The following CFHR1 variants were observed in gnomAD, a reference collection of about 807,000 sequenced individuals.
CFHR1 encodes the protein complement factor H-related protein 1.
CFHR1 carries 22 observed loss-of-function variants against 30.4 expected under a neutral mutation model. The observed-to-expected ratio is 0.72, with a 90% confidence interval of 0.52 to 1.03. The LOEUF (loss-of-function observed/expected upper bound fraction) is 1.03. CFHR1 is among the 50% of genes least tolerant of loss of function. The pLI, the probability that CFHR1 is intolerant of heterozygous loss-of-function variation, is 0.00. For synonymous variants in CFHR1, 95 were observed against 129.1 expected (o/e 0.74, Z 1.79); for missense variants, 248 against 380.6 (o/e 0.65, Z 2.90).
Position 196,823,099 on chromosome 1 carries a change from ATATGTGTG to A in CFHR1, c.59-2376_59-2369del, listed in dbSNP as rs1336488540. Reference sequence around the variant, plus strand: ...TGTACGACTGTATATATATATATATATATGTGTGTGTGTGTGTGTGTGTGTGTGTGTGT... The same window carrying A: ...TGTACGACTGTATATATATATATATATGTGTGTGTGTGTGTGTGTGTGTGT... On this transcript the variant is annotated intron_variant, in intron 1 of 5. Coordinates refer to ENST00000320493, the MANE Select transcript of CFHR1 (RefSeq NM_002113.3). Among the ~76,000 whole-genome samples, 3 of 45,720 alleles carry A rather than the reference ATATGTGTG, an allele frequency of 6.6e-5. 1 individual carries two copies. The highest frequency in any genetic ancestry group is 3.9e-4 in the African/African-American group (3 of 7,630). 30.0% of individuals were successfully genotyped at this position (45,720 alleles called of 152,430 possible).
rs756078692 is a variant in CFHR1, at chr1:196,831,800, C to A, written c.794C>A (p.Pro265Gln). 4 of 1,521,858 alleles carry A rather than the reference C, an allele frequency of 2.6e-6. No homozygotes were observed. The highest frequency in any genetic ancestry group is 3.6e-6 in the Non-Finnish European group (4 of 1,126,606). 94.3% of individuals were successfully genotyped at this position (1,521,858 alleles called of 1,614,324 possible). ...QWSEPPKCLH[P>Q]CVISREIMEN... The stretch of plus-strand genomic sequence containing the variant: ...GTTTACTGTTTTTTATTTTCAGATC[C>A]GTGTGTAATATCCCGAGAAATTATG... Residue 265 changes from proline to glutamine, a missense_variant, in exon 6 of 6, where the codon CCG (proline) becomes CAG (glutamine). Around this residue, in one of 3 missense-constraint regions of CFHR1, gnomAD observed 112 missense variants for 156.4 expected, o/e 0.72. Coordinates refer to ENST00000320493, the MANE Select transcript of CFHR1 (RefSeq NM_002113.3).
At position 196,831,709 on chromosome 1, in the gene CFHR1, A is replaced by G. The variant is rs1353477456; in HGVS notation, c.791-88A>G. On this transcript the variant is annotated intron_variant, in intron 5 of 5. Coordinates refer to ENST00000320493, the MANE Select transcript of CFHR1 (RefSeq NM_002113.3). ...TGTTTTGAGAAATAATTCCTGAACC[A>G]TCATATAACATTCTACTTGAAAACC... 3 of 1,360,908 alleles carry G rather than the reference A, an allele frequency of 2.2e-6. 1 individual carries two copies. The highest frequency in any genetic ancestry group is 3.0e-6 in the Non-Finnish European group (3 of 991,856). 84.3% of individuals were successfully genotyped at this position (1,360,908 alleles called of 1,614,324 possible).
rs1276284491 is a variant in CFHR1 at position 196,825,581 on chromosome 1, T to C, written c.163T>C (p.Cys55Arg). ...TACAGGGGAAGTTTTCTATTACTCCTGTGAATATAATTTTGTGTCTCCTTC... is the reference window on the plus strand; with the variant it reads ...TACAGGGGAAGTTTTCTATTACTCCCGTGAATATAATTTTGTGTCTCCTTC... Reference protein sequence around the residue: ...VPTGEVFYYSCEYNFVSPSKS... With the variant: ...VPTGEVFYYSREYNFVSPSKS... Residue 55 changes from cysteine to arginine, a missense_variant, in exon 2 of 6, where the codon TGT becomes CGT. Cys to Arg is a radical substitution (Grantham distance 180, BLOSUM62 -3). This residue lies in a region of CFHR1 where 121 missense variants were observed against 162.6 expected (regional missense o/e 0.74). Coordinates refer to ENST00000320493, the MANE Select transcript of CFHR1 (RefSeq NM_002113.3). 1 of 1,524,564 alleles carries C rather than the reference T, an allele frequency of 6.6e-7. No individual in the cohort carries two copies. Among genetic ancestry groups the C allele is most frequent in the Admixed American group, 1.7e-5 (1 of 57,934 alleles). The allele number at this position is 1,524,564 out of a possible 1,614,324, so 94.4% of individuals were successfully genotyped here.
chr1:196,825,394 T>A (rs1655283077), intron 1 of CFHR1, 83 bp from the exon 2 acceptor site: 1 of 1,053,548 alleles, frequency 9.5e-7, no homozygotes, highest in Non-Finnish European at 1.3e-6. Flanking sequence ...AAAAACACTA[T>A]AAGTGAGATG....
At position 196,823,908 on chromosome 1, in the gene CFHR1, AG is replaced by A. The variant is rs1341698955; in HGVS notation, c.59-1567del. 1.5e-5 allele frequency among the ~76,000 whole-genome samples: 2 copies of A among 134,616 alleles called. 1 individual carries two copies. Among genetic ancestry groups the A allele is most frequent in the Non-Finnish European group, 3.1e-5 (2 of 64,230 alleles). 88.3% of individuals were successfully genotyped at this position (134,616 alleles called of 152,430 possible). On this transcript the variant is annotated intron_variant, in intron 1 of 5. Transcript: ENST00000320493. ...TGGTAGGGAAGAGGAAGTGGTATATAGGAAATCTCTACCTTCCACTCAATCT... is the reference window on the plus strand; with the variant it reads ...TGGTAGGGAAGAGGAAGTGGTATATAGAAATCTCTACCTTCCACTCAATCT...
At chr1:196,826,179 A>C (rs1655314012) in intron 2 of CFHR1, among the ~76,000 whole-genome samples, 1 of 134,680 alleles carries the variant, frequency 7.4e-6, no homozygotes, top group Admixed American at 7.2e-5. Flanking sequence ...AGAAAAAAAA[A>C]TTGGGAGACA....
In CFHR1 at chr1:196,826,931, G is replaced by T. The variant is rs749207952; in HGVS notation, c.356G>T (p.Arg119Ile). The T allele has an allele frequency of 6.6e-7, 1 of 1,525,584 alleles. No individual in the cohort carries two copies. Among genetic ancestry groups the T allele is most frequent in the South Asian group, 1.2e-5 (1 of 80,234 alleles). The allele number at this position is 1,525,584 out of a possible 1,614,324, so 94.5% of individuals were successfully genotyped here. ...CAAATTATTTGCAACACAGGATACA[G>T]ACTTCAAAACAATGAGAACAACATT... ...TVQIICNTGY[R>I]LQNNENNISC... Residue 119 changes from arginine to isoleucine, a missense_variant, in exon 3 of 6, where the codon AGA becomes ATA. By Grantham distance (97) the Arg-to-Ile change is moderately conservative. Coordinates refer to ENST00000320493, the MANE Select transcript of CFHR1 (RefSeq NM_002113.3).
intron 1 of CFHR1, among the ~76,000 whole-genome samples, chr1:196,823,814 G>T (rs1465514242): frequency 7.4e-6 from 1 of 134,624 alleles, no homozygotes. Flanking sequence ...ACAACATCAA[G>T]AGTGAACCCC....
chr1:196,826,251 T>G (rs1384332361), intron 2 of CFHR1, among the ~76,000 whole-genome samples: 1 of 134,490 alleles, frequency 7.4e-6, no homozygotes, highest in African/African-American at 3.2e-5. Context: ...TTATGAGAGT[T>G]AAGAGAGAAA....
chr1:196,830,522 C>A lies in CFHR1; in HGVS notation c.630C>A (p.Pro210=), dbSNP rs777797252. ...TAGATTCTACGGGAAAATGTGGGCC[C>A]CCTCCACCTATTGACAATGGGGACA... ...QCKDSTGKCG[P]PPPIDNGDIT... Residue 210 remains proline, a synonymous_variant, in exon 5 of 6, where the codon CCC becomes CCA. Coordinates refer to ENST00000320493, the MANE Select transcript of CFHR1 (RefSeq NM_002113.3). 2.4e-5 allele frequency: 36 copies of A among 1,524,682 alleles called. 7 individuals carry two copies. Among genetic ancestry groups the A allele is most frequent in the Non-Finnish European group, 3.2e-5 (36 of 1,129,198 alleles). The allele number at this position is 1,524,682 out of a possible 1,614,324, so 94.4% of individuals were successfully genotyped here.
chr1:196,829,155 A>G (rs1472222819), intron 4 of CFHR1, among the ~76,000 whole-genome samples: 2 of 134,384 alleles, frequency 1.5e-5, no homozygotes, highest in African/African-American at 3.2e-5. Context: ...TCTAGCTAAT[A>G]CTATATATAT....
intron 1 of CFHR1, among the ~76,000 whole-genome samples, chr1:196,822,758 C>A (rs1168376548): frequency 7.5e-6 from 1 of 134,088 alleles, no homozygotes; most frequent in Non-Finnish European, 1.6e-5. Flanking sequence ...TTTTTTTAAT[C>A]AATAGAAGAA....
chr1:196,825,683 C>T lies in CFHR1; in HGVS notation c.253+12C>T. The T allele has an allele frequency of 1.3e-6, 2 of 1,510,824 alleles. No individual in the cohort carries two copies. The highest frequency in any genetic ancestry group is 1.3e-5 in the South Asian group (1 of 79,772). 93.6% of individuals were successfully genotyped at this position (1,510,824 alleles called of 1,614,324 possible). On this transcript the variant is annotated intron_variant, in intron 2 of 5. Transcript: ENST00000320493. Reference sequence around the variant, plus strand: ...ACCAAAGTGTCTCAGTGAGTAAATGCTCTGTTCATTAAATGGATGTCATTC... The same window carrying T: ...ACCAAAGTGTCTCAGTGAGTAAATGTTCTGTTCATTAAATGGATGTCATTC...
chr1:196,822,829 C>G lies in CFHR1; in HGVS notation c.59-2648C>G, dbSNP rs114750724. Among the ~76,000 whole-genome samples, 14 of 134,904 alleles carry G rather than the reference C, an allele frequency of 1.0e-4. 3 individuals carry two copies. Among genetic ancestry groups the G allele is most frequent in the Non-Finnish European group, 1.1e-4 (7 of 64,360 alleles). 88.5% of individuals were successfully genotyped at this position (134,904 alleles called of 152,430 possible). A position where few individuals can be genotyped will look rare whatever the true frequency, so the allele number is the denominator to read the frequency against. ...TGAAATACATTAACCAGTAACACTTCTATATTATCATCATCAAGTATTACG... is the reference window on the plus strand; with the variant it reads ...TGAAATACATTAACCAGTAACACTTGTATATTATCATCATCAAGTATTACG... On this transcript the variant is annotated intron_variant, in intron 1 of 5. Transcript: ENST00000320493.
At chr1:196,822,920 C>T (rs151256616) in intron 1 of CFHR1, among the ~76,000 whole-genome samples, 1 of 134,160 alleles carries the variant, frequency 7.5e-6, no homozygotes, top group South Asian at 2.6e-4. Flanking sequence ...TGTTTACCCC[C>T]GGCATTGCCA....
Position 196,825,648 on chromosome 1 carries a change from G to A in CFHR1, c.230G>A (p.Trp77Ter). 1.3e-6 allele frequency: 2 copies of A among 1,523,868 alleles called. No individual in the cohort carries two copies. Among genetic ancestry groups the A allele is most frequent in the Non-Finnish European group, 1.8e-6 (2 of 1,128,316 alleles). The allele number at this position is 1,523,868 out of a possible 1,614,324, so 94.4% of individuals were successfully genotyped here. ...CGCATAACATGCACAGAAGAAGGATGGTCACCAACACCAAAGTGTCTCAGT... is the reference window on the plus strand; with the variant it reads ...CGCATAACATGCACAGAAGAAGGATAGTCACCAACACCAAAGTGTCTCAGT... Reference protein sequence around the residue: ...WTRITCTEEGWSPTPKCLRLC... With the variant: ...WTRITCTEEG The change falls in exon 2 of 6, where the codon TGG (tryptophan) becomes TAG (stop). Residue 77 changes from tryptophan (W) to a stop codon, truncating the protein, a stop_gained. Transcript: ENST00000320493. LOFTEE classifies it high-confidence loss of function.
At chr1:196,825,748 C>A in intron 2 of CFHR1, 77 bp downstream of exon 2, 1 of 1,354,448 alleles carries the variant, frequency 7.4e-7, no homozygotes, top group Non-Finnish European at 1.0e-6. Context: ...ATCATAAGGT[C>A]TTGATAATCA....
In CFHR1 at chr1:196,819,896, G is replaced by GGAGA. The variant is rs1319457986; in HGVS notation, c.53_56dup (p.Ala20ArgfsTer6). On this transcript the variant is annotated frameshift_variant, in exon 1 of 6. Transcript: ENST00000320493. LOFTEE classifies it high-confidence loss of function. ...AATCTCACGGATATCCTCTGTTGGG[G>GGAGA]GAGAAGGTAAGTTCAAAACAGACCT... 2.4e-6 allele frequency: 1 copy of GGAGA among 411,164 alleles called. No homozygotes were observed. Among genetic ancestry groups the GGAGA allele is most frequent in the East Asian group, 4.0e-5 (1 of 24,872 alleles). 25.5% of individuals were successfully genotyped at this position (411,164 alleles called of 1,614,324 possible). A position where few individuals can be genotyped will look rare whatever the true frequency, so the allele number is the denominator to read the frequency against.
Position 196,830,539 on chromosome 1 carries a change from A to T in CFHR1, c.647A>T (p.Asn216Ile), listed in dbSNP as rs749050134. 6.6e-7 allele frequency: 1 copy of T among 1,525,356 alleles called. No individual in the cohort carries two copies. The highest frequency in any genetic ancestry group is 1.7e-5 in the Admixed American group (1 of 57,960). The allele number at this position is 1,525,356 out of a possible 1,614,324, so 94.5% of individuals were successfully genotyped here. ...TGTGGGCCCCCTCCACCTATTGACA[A>T]TGGGGACATTACTTCATTCCCGTTG... ...GKCGPPPPID[N>I]GDITSFPLSV... Residue 216 changes from asparagine (N) to isoleucine (I), a missense_variant, in exon 5 of 6, where the codon AAT (asparagine) becomes ATT (isoleucine). Asn to Ile is a moderately radical substitution (Grantham distance 149). Coordinates refer to ENST00000320493, the MANE Select transcript of CFHR1 (RefSeq NM_002113.3).
Sources: gnomAD v4.1 joint callset for allele counts (sites outside exome capture counted in the v4.1 genomes callset) on GRCh38, gnomAD v4.1.1 for gene constraint, gnomAD v4.1.1 regional missense constraint, MANE v1.5 for transcripts, NCBI Gene and HGNC (gene_info 2026-07-23, HGNC 2026-07-21) for gene names.